The following TRABD2A variants were observed in gnomAD, a reference collection of about 807,000 sequenced individuals.
The protein encoded by TRABD2A is metalloprotease TIKI1.
Under a neutral mutation model 45.6 loss-of-function variants are expected in TRABD2A, and 43 were observed. That is an observed-to-expected ratio of 0.94 (90% CI 0.74 to 1.22). The LOEUF (loss-of-function observed/expected upper bound fraction) is 1.22. TRABD2A is among the 50% of genes most tolerant of loss of function. TRABD2A has a pLI of 0.00. For synonymous variants in TRABD2A, 269 were observed against 265.0 expected (o/e 1.02, Z -0.15); for missense variants, 642 against 652.4 (o/e 0.98, Z 0.17).
intron 2 of TRABD2A, among the ~76,000 whole-genome samples, chr2:84,859,208 A>G (rs1287533267): frequency 2.0e-5 from 3 of 152,252 alleles, no homozygotes; most frequent in Admixed American, 2.0e-4. Context: ...AGATCAACAG[A>G]AGAGAAAAAG....
intron 2 of TRABD2A, among the ~76,000 whole-genome samples, chr2:84,856,379 A>C (rs890617): frequency 0.18 from 27,764 of 151,872 alleles, 3,452 homozygotes; most frequent in African/African-American, 0.35. Flanking sequence ...CAAACCAAGG[A>C]GGTGATGAAA....
intron 2 of TRABD2A, among the ~76,000 whole-genome samples, chr2:84,853,947 G>A (rs1682183402): frequency 6.6e-6 from 1 of 152,094 alleles, no homozygotes; most frequent in Non-Finnish European, 1.5e-5. Context: ...TTGAACCTGG[G>A]AGGCAGAGGT....
rs145366234 is a variant in TRABD2A, at chr2:84,831,416, C to T, written c.1082+639G>A. On this transcript the variant is annotated intron_variant, in intron 5 of 6. Coordinates refer to ENST00000409520, the MANE Select transcript of TRABD2A (RefSeq NM_001277053.2). ...GGGGAAGGGGAAGGACACCTGGGGC[C>T]CACCAGGATGGACGACCAGTTGGGA... Among the ~76,000 whole-genome samples the T allele has an allele frequency of 1.3e-4, 20 of 152,132 alleles. No individual in the cohort carries two copies. In the East Asian group the frequency reaches 3.9e-3, roughly 29 times the overall value.
Position 84,848,371 on chromosome 2 carries a change from T to TAGAC in TRABD2A, c.670-6365_670-6364insGTCT, listed in dbSNP as rs1164204560. On this transcript the variant is annotated intron_variant, in intron 2 of 6. Coordinates refer to ENST00000409520, the MANE Select transcript of TRABD2A (RefSeq NM_001277053.2). Reference sequence around the variant, plus strand: ...ATAGATAGATAGATAGATAGATAGATAGATAGACAGACAGACAGACAGACA... The same window carrying TAGAC: ...ATAGATAGATAGATAGATAGATAGATAGACAGATAGACAGACAGACAGACAGACA... 3.4e-3 allele frequency among the ~76,000 whole-genome samples: 370 copies of TAGAC among 107,526 alleles called. 1 individual carries two copies. The highest frequency in any genetic ancestry group is 0.013 in the African/African-American group (303 of 23,566). The allele number at this position is 107,526 out of a possible 152,430, so 70.5% of individuals were successfully genotyped here.
At chr2:84,840,675 A>G (rs986561781) in intron 3 of TRABD2A, among the ~76,000 whole-genome samples, 1 of 152,074 alleles carries the variant, frequency 6.6e-6, no homozygotes, top group East Asian at 1.9e-4. Flanking sequence ...TCAAATGTCA[A>G]TTTCCCAATT....
chr2:84,879,043 A>G (rs1161051017), intron 1 of TRABD2A, among the ~76,000 whole-genome samples: 3 of 151,666 alleles, frequency 2.0e-5, no homozygotes, highest in African/African-American at 4.8e-5. Flanking sequence ...TTTTCTCACA[A>G]GGTACTGTAG....
chr2:84,845,046 T>C (rs1237813159), intron 2 of TRABD2A, among the ~76,000 whole-genome samples: 1 of 152,184 alleles, frequency 6.6e-6, no homozygotes, highest in Admixed American at 6.5e-5. Flanking sequence ...ATGGGCCACA[T>C]CACAGATTAA....
chr2:84,863,721 C>T lies in TRABD2A; in HGVS notation c.669+6504G>A, dbSNP rs1013038137. ...CTGCCCTCCGAGTTCAAGTGATTATCCTGCCTCAGCCTCCTGAGTAGCTGG... is the reference window on the plus strand; with the variant it reads ...CTGCCCTCCGAGTTCAAGTGATTATTCTGCCTCAGCCTCCTGAGTAGCTGG... On this transcript the variant is annotated intron_variant, in intron 2 of 6. Coordinates refer to ENST00000409520, the MANE Select transcript of TRABD2A (RefSeq NM_001277053.2). Among the ~76,000 whole-genome samples the T allele has an allele frequency of 8.2e-5, 12 of 146,262 alleles. No individual in the cohort carries two copies. In the South Asian group the frequency reaches 1.6e-3, roughly 19 times the overall value.
At chr2:84,843,515 A>G (rs2105383521) in intron 2 of TRABD2A, 1 of 152,356 alleles carries the variant, frequency 6.6e-6, no homozygotes, top group South Asian at 2.1e-4. Flanking sequence ...TTGTGCTGCT[A>G]CAACAAAATG....
intron 2 of TRABD2A, among the ~76,000 whole-genome samples, chr2:84,860,586 A>G (rs1682464163): frequency 6.6e-6 from 1 of 152,234 alleles, no homozygotes; most frequent in Non-Finnish European, 1.5e-5. Flanking sequence ...TAGCAAACTA[A>G]TACAAACCCT....
intron 2 of TRABD2A, among the ~76,000 whole-genome samples, chr2:84,853,249 C>T (rs952782920): frequency 2.0e-5 from 3 of 151,496 alleles, no homozygotes; most frequent in African/African-American, 7.3e-5. Context: ...TCCGTTCTCA[C>T]GCTGCTAATA....
intron 4 of TRABD2A, chr2:84,837,869 G>C: frequency 4.9e-6 from 1 of 204,406 alleles, no homozygotes. Flanking sequence ...GACTCTCTAG[G>C]AATATTTTAG....
At chr2:84,823,275 T>C (rs965884999) in intron 6 of TRABD2A, among the ~76,000 whole-genome samples, 6 of 152,064 alleles carry the variant, frequency 3.9e-5, no homozygotes, top group African/African-American at 1.4e-4. Flanking sequence ...CACTGCAGAT[T>C]ATCTATTCAA....
At chr2:84,857,502 T>C (rs775691103) in intron 2 of TRABD2A, among the ~76,000 whole-genome samples, 6 of 152,188 alleles carry the variant, frequency 3.9e-5, no homozygotes, top group Non-Finnish European at 5.9e-5. Context: ...TGGGGCCAGT[T>C]AGGCATGAGT....
intron 2 of TRABD2A, among the ~76,000 whole-genome samples, chr2:84,856,934 A>G (rs1180060572): frequency 6.6e-6 from 1 of 152,250 alleles, no homozygotes; most frequent in African/African-American, 2.4e-5. Flanking sequence ...GAATGAGGTC[A>G]TAAGGGCGGG....
chr2:84,839,444 C>A, intron 3 of TRABD2A, 121 bp from the exon 4 acceptor site: 1 of 939,108 alleles, frequency 1.1e-6, no homozygotes, highest in Non-Finnish European at 1.6e-6. Flanking sequence ...AAGAGTGACA[C>A]CATTCTTGGA....
chr2:84,835,799 A>T (rs557692597), intron 4 of TRABD2A: 1 of 152,350 alleles, frequency 6.6e-6, no homozygotes, highest in South Asian at 2.1e-4. Flanking sequence ...GGGCAAAAAA[A>T]TAGCCTACAC....
At chr2:84,862,827 G>A (rs954907261) in intron 2 of TRABD2A, among the ~76,000 whole-genome samples, 4 of 152,080 alleles carry the variant, frequency 2.6e-5, no homozygotes, top group African/African-American at 9.7e-5. Flanking sequence ...GGGAAGCAGA[G>A]CTAAAGTCTG....
intron 6 of TRABD2A, among the ~76,000 whole-genome samples, chr2:84,823,328 G>C (rs1681049240): frequency 6.6e-6 from 1 of 152,122 alleles, no homozygotes; most frequent in Non-Finnish European, 1.5e-5. Context: ...ATGAAGGCAG[G>C]GCCCGTGTCT....
Sources: allele counts gnomAD v4.1 joint callset (sites outside exome capture counted in the v4.1 genomes callset), GRCh38; gene constraint gnomAD v4.1.1; transcripts MANE v1.5; gene names NCBI Gene and HGNC (gene_info 2026-07-23, HGNC 2026-07-21).